The following MAST2 variants were observed in gnomAD, a reference collection of about 807,000 sequenced individuals.
MAST2 encodes microtubule-associated serine/threonine-protein kinase 2.
A neutral mutation model predicts 147.4 loss-of-function variants in MAST2; 70 were observed. That is an observed-to-expected ratio of 0.47 (90% confidence interval 0.39 to 0.58). MAST2 has a LOEUF of 0.58. Ranked by LOEUF, MAST2 falls within the 20% of genes least tolerant of loss-of-function variation. The probability of loss-of-function intolerance (pLI) is 0.00; values close to 1 mark genes in which losing one functional copy is unlikely to be tolerated. For synonymous variants in MAST2, 869 were observed against 896.8 expected (o/e 0.97, Z 0.55); for missense variants, 2,080 against 2,302.3 (o/e 0.90, Z 1.98).
chr1:45,898,820 T>G (rs1649214348), intron 4 of MAST2, among the ~76,000 whole-genome samples: 2 of 152,160 alleles, frequency 1.3e-5, no homozygotes, highest in African/African-American at 4.8e-5. Context: ...ATTGCCCCCA[T>G]ACTCACTTTT....
intron 5 of MAST2, among the ~76,000 whole-genome samples, chr1:45,996,498 T>G (rs1306074064): frequency 6.6e-6 from 1 of 151,648 alleles, no homozygotes; most frequent in African/African-American, 2.4e-5. Flanking sequence ...TGGGGAGAGG[T>G]CATAACAGAT....
chr1:45,960,337 C>T (rs1660242997), intron 5 of MAST2, among the ~76,000 whole-genome samples: 1 of 151,950 alleles, frequency 6.6e-6, no homozygotes, highest in African/African-American at 2.4e-5. Context: ...GGCAAAACCC[C>T]GTCTCTACAA....
Position 46,008,312 on chromosome 1 carries a change from G to C in MAST2, c.919G>C (p.Val307Leu), listed in dbSNP as rs775040853. The C allele has an allele frequency of 3.7e-6, 6 of 1,611,378 alleles. No homozygotes were observed. In the South Asian group the frequency reaches 6.6e-5, roughly 18 times the overall value. The change falls in exon 9 of 29, where the codon GTA becomes CTA. Residue 307 changes from valine (V) to leucine (L), a missense_variant. Physicochemically the swap from Val to Leu is conservative, Grantham distance 32. Around this residue, in one of 4 missense-constraint regions of MAST2, gnomAD observed 569 missense variants for 642.5 expected, o/e 0.89. Coordinates refer to ENST00000361297, the MANE Select transcript of MAST2 (RefSeq NM_015112.3). Reference protein sequence around the residue: ...SRSLSPGRSPVSFDSEIIMMN... With the variant: ...SRSLSPGRSPLSFDSEIIMMN... ...CTTTTTTAGTCCCGGACGATCCCCAGTATCCTTTGACAGTGAAATAATAAT... is the reference window on the plus strand; with the variant it reads ...CTTTTTTAGTCCCGGACGATCCCCACTATCCTTTGACAGTGAAATAATAAT...
intron 11 of MAST2, among the ~76,000 whole-genome samples, chr1:46,020,984 T>C (rs573934979): frequency 4.6e-5 from 7 of 152,246 alleles, no homozygotes; most frequent in African/African-American, 1.7e-4. Context: ...GCCAGGGACA[T>C]CAGGGGAGAG....
chr1:45,811,089 G>C (rs1644277626), intron 1 of MAST2, among the ~76,000 whole-genome samples: 1 of 151,302 alleles, frequency 6.6e-6, no homozygotes, highest in Non-Finnish European at 1.5e-5. Flanking sequence ...GACCTCAAGT[G>C]ATCCACCTGG....
intron 3 of MAST2, among the ~76,000 whole-genome samples, chr1:45,859,540 G>A (rs1192398910): frequency 6.6e-6 from 1 of 152,188 alleles, no homozygotes; most frequent in African/African-American, 2.4e-5. Context: ...CTCATAATTT[G>A]TTGTGGCCAG....
intron 2 of MAST2, among the ~76,000 whole-genome samples, chr1:45,827,030 A>G (rs1317125928): frequency 6.6e-6 from 1 of 151,836 alleles, no homozygotes; most frequent in African/African-American, 2.4e-5. Flanking sequence ...GGGTTTCACT[A>G]TGTTGGCCAG....
intron 4 of MAST2, among the ~76,000 whole-genome samples, chr1:45,897,058 A>C (rs1648856324): frequency 6.6e-6 from 1 of 152,210 alleles, no homozygotes; most frequent in Non-Finnish European, 1.5e-5. Flanking sequence ...CTCAGTTAGT[A>C]ACCCTAACTC....
At chr1:45,904,121 C>T (rs1650254170) in intron 4 of MAST2, among the ~76,000 whole-genome samples, 1 of 152,086 alleles carries the variant, frequency 6.6e-6, no homozygotes, top group Non-Finnish European at 1.5e-5. Flanking sequence ...CCACCTCAGC[C>T]TCCCTAGTAG....
chr1:45,877,971 A>G (rs1257185317), intron 3 of MAST2, among the ~76,000 whole-genome samples: 1 of 152,212 alleles, frequency 6.6e-6, no homozygotes, highest in Non-Finnish European at 1.5e-5. Context: ...TGAGAGACCA[A>G]GGCGGGTGGA....
At chr1:45,892,518 TA>T (rs760001787) in intron 4 of MAST2, among the ~76,000 whole-genome samples, 1 of 152,202 alleles carries the variant, frequency 6.6e-6, no homozygotes, top group African/African-American at 2.4e-5. Context: ...GCTTCTTAAC[TA>T]AAAAAAGTTC....
At chr1:46,011,034 T>C (rs1645693627) in intron 10 of MAST2, 95 bp downstream of exon 10, 3 of 1,083,588 alleles carry the variant, frequency 2.8e-6, no homozygotes, top group South Asian at 1.4e-5. Flanking sequence ...GTATTCTCAG[T>C]CTTCACAGAC....
intron 6 of MAST2, among the ~76,000 whole-genome samples, chr1:45,999,405 A>T (rs1645184193): frequency 6.6e-6 from 1 of 152,188 alleles, no homozygotes; most frequent in Admixed American, 6.5e-5. Context: ...TCTTGCCTGG[A>T]CTATATATAA....
chr1:45,931,591 G>A (rs1331382336), intron 4 of MAST2, among the ~76,000 whole-genome samples: 2 of 151,958 alleles, frequency 1.3e-5, no homozygotes, highest in East Asian at 1.9e-4. Flanking sequence ...CCGGGTTCAA[G>A]CGATTCTCCT....
chr1:45,819,130 G>C (rs1319054405), intron 1 of MAST2, among the ~76,000 whole-genome samples: 2 of 151,878 alleles, frequency 1.3e-5, no homozygotes, highest in Non-Finnish European at 2.9e-5. Flanking sequence ...GCACACACCT[G>C]TAATCCCAGC....
intron 4 of MAST2, among the ~76,000 whole-genome samples, chr1:45,885,458 A>C (rs777337855): frequency 2.8e-4 from 43 of 152,234 alleles, no homozygotes; most frequent in Non-Finnish European, 5.1e-4. Context: ...ACAGGAACTC[A>C]AATATGAGTT....
At chr1:45,997,209 A>C (rs4073846) in intron 5 of MAST2, among the ~76,000 whole-genome samples, 8 of 151,964 alleles carry the variant, frequency 5.3e-5, no homozygotes, top group Admixed American at 5.2e-4. Flanking sequence ...ATTACGAACT[A>C]TCTTAAGGTT....
chr1:45,914,450 A>G (rs1652157011), intron 4 of MAST2, among the ~76,000 whole-genome samples: 1 of 152,236 alleles, frequency 6.6e-6, no homozygotes, highest in Admixed American at 6.5e-5. Context: ...GACTTTTCCA[A>G]GAGCAGCTCA....
At chr1:46,034,514 C>A in intron 28 of MAST2, 24 bp from the exon 29 acceptor site, 1 of 1,599,480 alleles carries the variant, frequency 6.3e-7, no homozygotes, top group South Asian at 1.1e-5. Flanking sequence ...TTTTGTCTGT[C>A]TGTCTGTCTG....
Sources: gnomAD v4.1 joint callset for allele counts (sites outside exome capture counted in the v4.1 genomes callset) on GRCh38, gnomAD v4.1.1 for gene constraint, gnomAD v4.1.1 regional missense constraint, MANE v1.5 for transcripts, NCBI Gene and HGNC (gene_info 2026-07-23, HGNC 2026-07-21) for gene names.